Variants in FRAS1 observed in about 807,000 individuals in gnomAD.
The protein encoded by FRAS1 is Fraser extracellular matrix complex subunit 1.
FRAS1 carries 290 observed loss-of-function variants against 435.2 expected under a neutral mutation model. The observed-to-expected ratio is 0.67, with a 90% CI of 0.61 to 0.73. The LOEUF is 0.73. Ranked by LOEUF, FRAS1 falls within the 30% of genes least tolerant of loss-of-function variation. The probability of loss-of-function intolerance (pLI) is 0.00; values close to 1 mark genes in which losing one functional copy is unlikely to be tolerated. For synonymous variants in FRAS1, 1,800 were observed against 1,851.0 expected, an observed-to-expected ratio of 0.97 and a Z score of 0.71; for missense variants, 4,860 against 5,001.5, an observed-to-expected ratio of 0.97 and a Z score of 0.85.
At chr4:78,241,431 A>T (rs1029252848) in intron 3 of FRAS1, among the ~76,000 whole-genome samples, 4 of 152,170 alleles carry the variant, frequency 2.6e-5, no homozygotes, top group Non-Finnish European at 5.9e-5. Context: ...TTTTGTAATG[A>T]TCTCATAAGG....
At position 78,464,504 on chromosome 4, in the gene FRAS1, A is replaced by G; in HGVS notation, c.6950A>G (p.Asn2317Ser). Residue 2317 changes from asparagine to serine, a missense_variant, in exon 49 of 74, where the codon AAC becomes AGC. By Grantham distance (46) the Asn-to-Ser change is conservative. Transcript: ENST00000512123. Reference sequence around the variant, plus strand: ...GATGATTCGCTGCCCGTCGTACAGAACTTAGGAATGCGGGTGCAGGAGGGC... The same window carrying G: ...GATGATTCGCTGCCCGTCGTACAGAGCTTAGGAATGCGGGTGCAGGAGGGC... ...PVDDSLPVVQ[N>S]LGMRVQEGMR... 6.2e-7 allele frequency: 1 copy of G among 1,614,004 alleles called. No individual in the cohort carries two copies. Among genetic ancestry groups the G allele is most frequent in the Non-Finnish European group, 8.5e-7 (1 of 1,179,862 alleles).
At chr4:78,531,773 T>C (rs1010851292) in intron 70 of FRAS1, among the ~76,000 whole-genome samples, 1 of 152,190 alleles carries the variant, frequency 6.6e-6, no homozygotes, top group African/African-American at 2.4e-5. Context: ...GTACCCCATA[T>C]GGCCCACAAA....
chr4:78,493,663 G>T (rs1720431860), intron 59 of FRAS1, among the ~76,000 whole-genome samples: 1 of 152,038 alleles, frequency 6.6e-6, no homozygotes, highest in East Asian at 1.9e-4. Context: ...CTGGGTGGTG[G>T]GGGGCTAGGG....
At chr4:78,277,898 G>T (rs1227862614) in intron 9 of FRAS1, among the ~76,000 whole-genome samples, 1 of 151,272 alleles carries the variant, frequency 6.6e-6, no homozygotes, top group Admixed American at 6.6e-5. Flanking sequence ...TGCAAGCTCC[G>T]CCTCCCTGGT....
intron 33 of FRAS1, among the ~76,000 whole-genome samples, chr4:78,421,168 A>G (rs956913130): frequency 6.6e-6 from 1 of 151,874 alleles, no homozygotes; most frequent in Non-Finnish European, 1.5e-5. Context: ...TATTTTTGAG[A>G]TGGAGTTTCG....
chr4:78,127,740 T>G (rs1365880944), intron 2 of FRAS1, among the ~76,000 whole-genome samples: 1 of 152,052 alleles, frequency 6.6e-6, no homozygotes, highest in Non-Finnish European at 1.5e-5. Context: ...TTTTATTTAT[T>G]TATTTTTTTA....
intron 35 of FRAS1, among the ~76,000 whole-genome samples, chr4:78,428,327 TTC>T (rs1274452180): frequency 1.7e-5 from 1 of 59,566 alleles, no homozygotes. Flanking sequence ...TTAAAAAGTA[TTC>T]TTTTTTTTTT....
chr4:78,279,509 GGC>G (rs10541913), intron 10 of FRAS1, among the ~76,000 whole-genome samples: 4,747 of 152,202 alleles, frequency 0.031, 251 homozygotes, highest in African/African-American at 0.11. Context: ...GGGCAATGGT[GGC>G]TTGGTCTAGG....
chr4:78,178,261 G>A (rs1212846560), intron 2 of FRAS1, among the ~76,000 whole-genome samples: 3 of 152,164 alleles, frequency 2.0e-5, no homozygotes, highest in African/African-American at 4.8e-5. Flanking sequence ...CATTTTTATC[G>A]AAAGAATGAT....
At chr4:78,206,624 T>C (rs2110080868) in intron 2 of FRAS1, among the ~76,000 whole-genome samples, 2 of 152,340 alleles carry the variant, frequency 1.3e-5, no homozygotes, top group Middle Eastern at 6.8e-3. Flanking sequence ...ACACCTCTTG[T>C]GCAAATGTTC....
In FRAS1 at chr4:78,521,561, A is replaced by G. The variant is rs1309272762; in HGVS notation, c.10579A>G (p.Ile3527Val). 9 of 1,611,802 alleles carry G rather than the reference A, an allele frequency of 5.6e-6. No homozygotes were observed. Among genetic ancestry groups the G allele is most frequent in the Non-Finnish European group, 6.8e-6 (8 of 1,178,864 alleles). Residue 3527 changes from isoleucine to valine, a missense_variant, in exon 68 of 74, where the codon ATA becomes GTA. Ile to Val is a conservative substitution (Grantham distance 29). Transcript: ENST00000512123. The stretch of plus-strand genomic sequence containing the variant: ...CAGCGTGCTCTCTGCAAGGCTTCAG[A>G]TAATAAGAATCTACATTCGAGAGGA... Reference protein sequence around the residue: ...TDSVLSARLQIIRIYIREDGR... With the variant: ...TDSVLSARLQVIRIYIREDGR...
At chr4:78,120,975 A>G (rs1718982727) in intron 2 of FRAS1, among the ~76,000 whole-genome samples, 1 of 152,164 alleles carries the variant, frequency 6.6e-6, no homozygotes, top group Admixed American at 6.5e-5. Context: ...CCCAACACAA[A>G]TCAAGGAAGA....
At chr4:78,377,699 A>G (rs560631657) in intron 26 of FRAS1, among the ~76,000 whole-genome samples, 1 of 152,350 alleles carries the variant, frequency 6.6e-6, no homozygotes, top group South Asian at 2.1e-4. Context: ...AGGAAATGGT[A>G]GCAAACACCA....
At chr4:78,180,114 A>G (rs2867001) in intron 2 of FRAS1, among the ~76,000 whole-genome samples, 149,955 of 152,298 alleles carry the variant, frequency 0.98, 73,864 homozygotes, top group Middle Eastern at 1. Context: ...ATTCAACAAC[A>G]AATTGAGCAT....
intron 14 of FRAS1, among the ~76,000 whole-genome samples, chr4:78,297,699 C>A (rs139645929): frequency 6.6e-6 from 1 of 152,034 alleles, no homozygotes; most frequent in Non-Finnish European, 1.5e-5. Flanking sequence ...TCTTATTCAC[C>A]CTCTTTTAAC....
At chr4:78,471,661 C>G (rs1263100137) in intron 51 of FRAS1, among the ~76,000 whole-genome samples, 3 of 152,232 alleles carry the variant, frequency 2.0e-5, no homozygotes, top group South Asian at 2.1e-4. Context: ...TCACTAAATA[C>G]TTCAATGAAT....
chr4:78,539,242 T>C (rs1179055476), intron 72 of FRAS1, 52 bp from the exon 73 acceptor site: 5 of 1,581,290 alleles, frequency 3.2e-6, no homozygotes, highest in African/African-American at 1.4e-5. Context: ...CACCTACCAA[T>C]ATAGTGGAAC....
intron 2 of FRAS1, among the ~76,000 whole-genome samples, chr4:78,126,058 C>T (rs1719335278): frequency 6.6e-6 from 1 of 152,220 alleles, no homozygotes; most frequent in Non-Finnish European, 1.5e-5. Flanking sequence ...TTCCCTGCTG[C>T]TTTGTTTACA....
At chr4:78,197,281 A>T (rs1420425208) in intron 2 of FRAS1, among the ~76,000 whole-genome samples, 1 of 152,240 alleles carries the variant, frequency 6.6e-6, no homozygotes, top group East Asian at 1.9e-4. Flanking sequence ...CAAATTAACT[A>T]AATTTCTGTA....
Sources: allele counts gnomAD v4.1 joint callset (sites outside exome capture counted in the v4.1 genomes callset), GRCh38; gene constraint gnomAD v4.1.1; transcripts MANE v1.5; gene names NCBI Gene and HGNC (gene_info 2026-07-23, HGNC 2026-07-21).